SFI1: variants seen among roughly 807,000 people sequenced by gnomAD.
SFI1 encodes protein SFI1 homolog.
A neutral mutation model predicts 207.5 loss-of-function variants in SFI1; 195 were observed. The ratio of observed to expected loss-of-function variants is 0.94; its 90% CI spans 0.84 to 1.06. The LOEUF (loss-of-function observed/expected upper bound fraction) is 1.06, where lower values mean the gene tolerates loss of function less well. Among genes scored for constraint, SFI1 ranks in the 50% least tolerant of loss-of-function variants. The pLI, the probability that SFI1 is intolerant of heterozygous loss-of-function variation, is 0.00. For missense variants in SFI1, 1,634 were observed against 1,588.0 expected (o/e 1.03, Z -0.49); for synonymous variants, 630 against 598.9 (o/e 1.05, Z -0.76).
intron 8 of SFI1, among the ~76,000 whole-genome samples, chr22:31,568,531 C>CAAA (rs60447566): frequency 0.013 from 498 of 37,342 alleles, 40 homozygotes; most frequent in East Asian, 0.049. Flanking sequence ...GACCCTGTCT[C>CAAA]AAAAAAAAAA....
At chr22:31,553,877 C>T (rs1434833226) in intron 6 of SFI1, among the ~76,000 whole-genome samples, 1 of 92,316 alleles carries the variant, frequency 1.1e-5, no homozygotes, top group Admixed American at 1.8e-4. Flanking sequence ...TTGCGAGAGT[C>T]CCACTGTTGC....
chr22:31,511,935 A>G (rs2055627026), intron 2 of SFI1, among the ~76,000 whole-genome samples: 1 of 152,114 alleles, frequency 6.6e-6, no homozygotes. Context: ...TACAGGTGTG[A>G]GTCACCGTGC....
chr22:31,576,315 G>A (rs62237790), intron 10 of SFI1, among the ~76,000 whole-genome samples: 6,788 of 146,166 alleles, frequency 0.046, 135 homozygotes, highest in African/African-American at 0.053. Flanking sequence ...ATGAGCCAGC[G>A]TACCCAGCCT....
chr22:31,601,756 TC>T (rs1231811174), intron 15 of SFI1, among the ~76,000 whole-genome samples: 1 of 152,146 alleles, frequency 6.6e-6, no homozygotes, highest in African/African-American at 2.4e-5. Flanking sequence ...CTTCCCTTTC[TC>T]TTTGTGTTGC....
At chr22:31,553,916 A>AACCC (rs1186339824) in intron 6 of SFI1, among the ~76,000 whole-genome samples, 1 of 121,234 alleles carries the variant, frequency 8.2e-6, no homozygotes, top group African/African-American at 3.3e-5. Flanking sequence ...GTGTGAGGAT[A>AACCC]ACCCATTGCA....
intron 7 of SFI1, 60 bp from the exon 8 acceptor site, chr22:31,561,230 C>G (rs1338077288): frequency 4.0e-6 from 6 of 1,485,494 alleles, no homozygotes; most frequent in Non-Finnish European, 5.6e-6. Context: ...ACTAACTGCT[C>G]CTCTCTTTCC....
chr22:31,522,349 C>T (rs1392134633), intron 2 of SFI1, among the ~76,000 whole-genome samples: 1 of 152,078 alleles, frequency 6.6e-6, no homozygotes, highest in Non-Finnish European at 1.5e-5. Flanking sequence ...TGAGCCACCA[C>T]GCCTGGCCTA....
intron 15 of SFI1, among the ~76,000 whole-genome samples, chr22:31,596,842 C>T (rs1008151160): frequency 2.7e-5 from 4 of 150,818 alleles, no homozygotes; most frequent in African/African-American, 9.7e-5. Flanking sequence ...GTACCCGTTT[C>T]TAAATGGCTT....
intron 2 of SFI1, among the ~76,000 whole-genome samples, chr22:31,526,853 G>C (rs187261283): frequency 1.6e-4 from 24 of 151,958 alleles, no homozygotes; most frequent in African/African-American, 5.1e-4. Context: ...TTGAGCTACC[G>C]TGCCTGGCCA....
chr22:31,496,307 C>T (rs1364643819), upstream of SFI1: 1 of 152,284 alleles, frequency 6.6e-6, no homozygotes, highest in Non-Finnish European at 1.5e-5. Context: ...GCTGGCGAGC[C>T]AAGGAGATAA....
chr22:31,554,096 C>T (rs1446840031), intron 6 of SFI1, among the ~76,000 whole-genome samples: 4 of 151,636 alleles, frequency 2.6e-5, no homozygotes, highest in African/African-American at 7.3e-5. Context: ...CTTCGGCTTC[C>T]CAAAGCCCTG....
chr22:31,539,379 C>G (rs2059276236), intron 4 of SFI1, among the ~76,000 whole-genome samples: 1 of 152,130 alleles, frequency 6.6e-6, no homozygotes, highest in Non-Finnish European at 1.5e-5. Context: ...TAAGACCAAC[C>G]AACTTTTTGT....
chr22:31,617,010 CCTTGAGGCTGAA>C lies in SFI1; in HGVS notation c.3452_3463del (p.Ala1151_Glu1154del). 6.2e-7 allele frequency: 1 copy of C among 1,614,064 alleles called. No homozygotes were observed. The highest frequency in any genetic ancestry group is 8.5e-7 in the Non-Finnish European group (1 of 1,180,014). ...CTTCTGTCGCCATAGGCAGCCTGGACCTTGAGGCTGAACTTGAGGAGATCCAGCAGCAACTAC... is the reference window on the plus strand; with the variant it reads ...CTTCTGTCGCCATAGGCAGCCTGGACCTTGAGGAGATCCAGCAGCAACTAC... On this transcript the variant is annotated inframe_deletion, in exon 31 of 33. Transcript: ENST00000400288.
chr22:31,575,196 A>AGG, intron 9 of SFI1, 35 bp from the exon 10 acceptor site: 1 of 1,565,576 alleles, frequency 6.4e-7, no homozygotes, highest in Non-Finnish European at 8.7e-7. Context: ...ATCTAACCTT[A>AGG]GGGGAGTAGC....
chr22:31,548,415 C>T (rs939209003), intron 5 of SFI1, among the ~76,000 whole-genome samples: 1 of 148,822 alleles, frequency 6.7e-6, no homozygotes, highest in Non-Finnish European at 1.5e-5. Context: ...TATTAAAAAA[C>T]AAAACAAAAC....
chr22:31,597,609 G>A (rs1450569726), intron 15 of SFI1, among the ~76,000 whole-genome samples: 1 of 152,136 alleles, frequency 6.6e-6, no homozygotes, highest in Non-Finnish European at 1.5e-5. Context: ...AAAATGAAAT[G>A]GGAAAACATG....
chr22:31,571,284 A>G (rs1338359050), intron 8 of SFI1, among the ~76,000 whole-genome samples: 1 of 152,130 alleles, frequency 6.6e-6, no homozygotes, highest in Non-Finnish European at 1.5e-5. Context: ...TGTTTCACCT[A>G]GTTTAACCGA....
At chr22:31,561,541 G>A in intron 8 of SFI1, 149 bp downstream of exon 8, 1 of 641,960 alleles carries the variant, frequency 1.6e-6, no homozygotes, top group Non-Finnish European at 2.6e-6. Flanking sequence ...TCTTCCAGAG[G>A]GAGGCTGCTG....
chr22:31,614,764 G>T (rs1281088642), intron 27 of SFI1, 25 bp from the exon 28 acceptor site: 10 of 1,613,258 alleles, frequency 6.2e-6, no homozygotes, highest in Non-Finnish European at 8.5e-6. Context: ...CAGCCCAGGG[G>T]AACAGACCCC....
Sources: allele counts gnomAD v4.1 joint callset (sites outside exome capture counted in the v4.1 genomes callset), GRCh38; gene constraint gnomAD v4.1.1; transcripts MANE v1.5; gene names NCBI Gene and HGNC (gene_info 2026-07-23, HGNC 2026-07-21).